The following AKAP17A variants were observed in gnomAD, a reference collection of about 807,000 sequenced individuals.
AKAP17A encodes A-kinase anchor protein 17A.
AKAP17A carries 15 observed loss-of-function variants against 52.2 expected under a neutral mutation model. The observed-to-expected ratio is 0.29, with a 90% CI of 0.19 to 0.44. The LOEUF (loss-of-function observed/expected upper bound fraction) is 0.44, where lower values mean the gene tolerates loss of function less well. Ranked by LOEUF, AKAP17A falls within the 20% of genes least tolerant of loss-of-function variation. The pLI is 1.00. For synonymous variants in AKAP17A, 514 were observed against 424.7 expected (o/e 1.21, Z -2.58); for missense variants, 1,060 against 1,007.0 (o/e 1.05, Z -0.71).
Position 1,594,127 on chromosome X carries a change from G to A in AKAP17A, c.665G>A (p.Arg222His), listed in dbSNP as rs780792297. ...HLNFEAYVQYREYMGFIQAMS... is the reference protein window; with the variant it reads ...HLNFEAYVQYHEYMGFIQAMS... Reference sequence around the variant, plus strand: ...AACTTCGAGGCCTATGTGCAGTACCGCGAGTACATGGGCTTCATCCAGGCC... The same window carrying A: ...AACTTCGAGGCCTATGTGCAGTACCACGAGTACATGGGCTTCATCCAGGCC... Residue 222 changes from arginine to histidine, a missense_variant, in exon 2 of 5, where the codon CGC (arginine) becomes CAC (histidine). Coordinates refer to ENST00000313871, the MANE Select transcript of AKAP17A (RefSeq NM_005088.3). 5.0e-6 allele frequency: 8 copies of A among 1,613,022 alleles called. No individual in the cohort carries two copies. The highest frequency in any genetic ancestry group is 1.1e-5 in the South Asian group (1 of 90,968).
At chrX:1,595,924 G>A (rs1480895004) in intron 3 of AKAP17A, among the ~76,000 whole-genome samples, 3 of 152,196 alleles carry the variant, frequency 2.0e-5, no homozygotes, top group Admixed American at 6.5e-5. Flanking sequence ...GTGTGTGCAC[G>A]TATGGGTGTG....
intron 3 of AKAP17A, among the ~76,000 whole-genome samples, chrX:1,597,260 T>G (rs755494929): frequency 6.6e-6 from 1 of 152,286 alleles, no homozygotes; most frequent in East Asian, 1.9e-4. Flanking sequence ...AGAGTCGGGT[T>G]GTCAGCCTCT....
At chrX:1,594,973 AG>A (rs1345192197) in intron 2 of AKAP17A, among the ~76,000 whole-genome samples, 1 of 152,014 alleles carries the variant, frequency 6.6e-6, no homozygotes, top group African/African-American at 2.4e-5. Flanking sequence ...AGCCTCCTGG[AG>A]GGGGTTTTGT....
Position 1,601,416 on chromosome X carries a change from G to A in AKAP17A, c.1910G>A (p.Arg637His), listed in dbSNP as rs373164063. Residue 637 changes from arginine (R) to histidine (H), a missense_variant, in exon 5 of 5, where the codon CGC (arginine) becomes CAC (histidine). Arg to His is a conservative substitution (Grantham distance 29, BLOSUM62 0). This residue lies in a region of AKAP17A where 793 missense variants were observed against 629.9 expected (regional missense o/e 1.26). Coordinates refer to ENST00000313871, the MANE Select transcript of AKAP17A (RefSeq NM_005088.3). ...HAYKDDSPRR[R>H]STSPDHTRSR... ...TACAAGGATGACAGCCCCCGCCGGC[G>A]CAGCACGAGCCCGGACCACACCCGG... The A allele has an allele frequency of 5.6e-5, 88 of 1,565,438 alleles. 1 individual carries two copies. The highest frequency in any genetic ancestry group is 2.9e-4 in the Admixed American group (16 of 54,830).
At chrX:1,600,548 T>C (rs1933303301) in intron 4 of AKAP17A, 111 bp from the exon 5 acceptor site, 1 of 1,132,264 alleles carries the variant, frequency 8.8e-7, no homozygotes, top group Non-Finnish European at 1.2e-6. Flanking sequence ...GCCAGGCCGC[T>C]GATCCTGCAT....
At position 1,593,461 on chromosome X, in the gene AKAP17A, C is replaced by G; in HGVS notation, c.-2C>G. The G allele has an allele frequency of 1.2e-6, 2 of 1,611,592 alleles. No individual in the cohort carries two copies. The highest frequency in any genetic ancestry group is 2.2e-5 in the South Asian group (2 of 91,004). On this transcript the variant is annotated 5_prime_UTR_variant, in exon 2 of 5. Coordinates refer to ENST00000313871, the MANE Select transcript of AKAP17A (RefSeq NM_005088.3). ...TGTTTCAGGCCCAAGGTCCCGGAGG[C>G]TATGGCAGCGGCTACCATCGTGCAC...
In AKAP17A at chrX:1,594,008, G is replaced by A. The variant is rs1233187582; in HGVS notation, c.546G>A (p.Gly182=). 3 of 1,605,294 alleles carry A rather than the reference G, an allele frequency of 1.9e-6. No homozygotes were observed. Among genetic ancestry groups the A allele is most frequent in the South Asian group, 2.2e-5 (2 of 90,004 alleles). ...DVLVKVFEKF[G]EIRNVDIPML... ...TGGTCAAGGTGTTTGAGAAGTTCGGGGAGATCCGGAATGTGGACATCCCCA... is the reference window on the plus strand; with the variant it reads ...TGGTCAAGGTGTTTGAGAAGTTCGGAGAGATCCGGAATGTGGACATCCCCA... Residue 182 remains glycine, a synonymous_variant, in exon 2 of 5, where the codon GGG becomes GGA. Coordinates refer to ENST00000313871, the MANE Select transcript of AKAP17A (RefSeq NM_005088.3).
At chrX:1,600,272 C>G (rs372140321) in intron 4 of AKAP17A, 10,996 of 1,093,112 alleles carry the variant, frequency 0.01, 79 homozygotes, top group Non-Finnish European at 0.012. Context: ...CGGTGGCATG[C>G]GTCTGCGGCG....
rs1409275727 is a variant in AKAP17A, at chrX:1,600,891, A to C, written c.1385A>C (p.Asp462Ala). 1.4e-5 allele frequency: 22 copies of C among 1,578,278 alleles called. No homozygotes were observed. The highest frequency in any genetic ancestry group is 1.8e-5 in the Non-Finnish European group (21 of 1,166,304). Residue 462 changes from aspartate (D) to alanine (A), a missense_variant, in exon 5 of 5, where the codon GAC becomes GCC. Physicochemically the swap from Asp to Ala is moderately radical, Grantham distance 126. This residue lies in a region of AKAP17A where 793 missense variants were observed against 629.9 expected (regional missense o/e 1.26). Transcript: ENST00000313871. ...GACGAGCTGGGCGTGGCACACGCCG[A>C]CCTGCTGCAGCCCGTCCTGGACATC... ...THDELGVAHADLLQPVLDILQ... is the reference protein window; with the variant it reads ...THDELGVAHAALLQPVLDILQ...
At position 1,593,434 on chromosome X, in the gene AKAP17A, T is replaced by C. The variant is rs1195525840; in HGVS notation, c.-19-10T>C. The C allele has an allele frequency of 1.3e-6, 2 of 1,597,170 alleles. No homozygotes were observed. The highest frequency in any genetic ancestry group is 1.1e-5 in the South Asian group (1 of 89,308). ...GTGCTGGTGCTGACTGTCTGCGTCTTATGTTTCAGGCCCAAGGTCCCGGAG... is the reference window on the plus strand; with the variant it reads ...GTGCTGGTGCTGACTGTCTGCGTCTCATGTTTCAGGCCCAAGGTCCCGGAG... On this transcript the variant is annotated splice_polypyrimidine_tract_variant and intron_variant, in intron 1 of 4. Coordinates refer to ENST00000313871, the MANE Select transcript of AKAP17A (RefSeq NM_005088.3).
At position 1,602,139 on chromosome X, in the gene AKAP17A, C is replaced by T. The variant is rs1273765822; in HGVS notation, c.*545C>T. 6.5e-6 allele frequency: 1 copy of T among 153,396 alleles called. No individual in the cohort carries two copies. The highest frequency in any genetic ancestry group is 1.4e-5 in the Non-Finnish European group (1 of 68,992). 9.5% of individuals were successfully genotyped at this position (153,396 alleles called of 1,614,324 possible). A position where few individuals can be genotyped will look rare whatever the true frequency, so the allele number is the denominator to read the frequency against. On this transcript the variant is annotated 3_prime_UTR_variant, in exon 5 of 5. Transcript: ENST00000313871. Reference sequence around the variant, plus strand: ...GTCACGGATGAGGAAGGTACAAGTCCTTTAAGATCAAAACTCAAACGGGCC... The same window carrying T: ...GTCACGGATGAGGAAGGTACAAGTCTTTTAAGATCAAAACTCAAACGGGCC...
chrX:1,594,529 A>G (rs1291776622), intron 2 of AKAP17A, among the ~76,000 whole-genome samples: 1 of 152,206 alleles, frequency 6.6e-6, no homozygotes, highest in East Asian at 1.9e-4. Flanking sequence ...GTCAGAACCA[A>G]GAGAACCCGG....
At position 1,593,395 on chromosome X, in the gene AKAP17A, G is replaced by A. The variant is rs187886750; in HGVS notation, c.-19-49G>A. The A allele has an allele frequency of 0.026, 40,300 of 1,546,738 alleles. 664 individuals carry two copies. The highest frequency in any genetic ancestry group is 0.043 in the Middle Eastern group (197 of 4,582). On this transcript the variant is annotated intron_variant, in intron 1 of 4. Transcript: ENST00000313871. Reference sequence around the variant, plus strand: ...GCTGGCTTGGCCCCTCCTCATTGGCGGGGGAGGTGGGGGGTGCTGGTGCTG... The same window carrying A: ...GCTGGCTTGGCCCCTCCTCATTGGCAGGGGAGGTGGGGGGTGCTGGTGCTG...
intron 4 of AKAP17A, 54 bp from the exon 5 acceptor site, chrX:1,600,605 G>C (rs770989632): frequency 1.4e-6 from 2 of 1,456,222 alleles, no homozygotes; most frequent in African/African-American, 2.8e-5. Flanking sequence ...CCTGTCCCAC[G>C]TGTCCGGCCA....
chrX:1,600,864 A>G lies in AKAP17A; in HGVS notation c.1358A>G (p.His453Arg). The G allele has an allele frequency of 1.9e-6, 3 of 1,589,646 alleles. No homozygotes were observed. The highest frequency in any genetic ancestry group is 2.6e-6 in the Non-Finnish European group (3 of 1,172,260). Reference sequence around the variant, plus strand: ...AAGAAGCCGGACGACAGCCACACACACGACGAGCTGGGCGTGGCACACGCC... The same window carrying G: ...AAGAAGCCGGACGACAGCCACACACGCGACGAGCTGGGCGTGGCACACGCC... Reference protein sequence around the residue: ...LSKKPDDSHTHDELGVAHADL... With the variant: ...LSKKPDDSHTRDELGVAHADL... The change falls in exon 5 of 5, where the codon CAC (histidine) becomes CGC (arginine). Residue 453 changes from histidine (H) to arginine (R), a missense_variant. This residue lies in a region of AKAP17A where 793 missense variants were observed against 629.9 expected (regional missense o/e 1.26). Transcript: ENST00000313871.
At chrX:1,594,614 T>G (rs1385113758) in intron 2 of AKAP17A, among the ~76,000 whole-genome samples, 2 of 152,052 alleles carry the variant, frequency 1.3e-5, no homozygotes, top group East Asian at 3.8e-4. Flanking sequence ...TTTTTTTATT[T>G]TTTTTATTTT....
Position 1,596,851 on chromosome X carries a change from C to T in AKAP17A, c.911+1319C>T, listed in dbSNP as rs1217638629. Among the ~76,000 whole-genome samples the T allele has an allele frequency of 3.6e-4, 21 of 57,802 alleles. 1 individual carries two copies. Among genetic ancestry groups the T allele is most frequent in the African/African-American group, 1.5e-3 (13 of 8,690 alleles). The allele number at this position is 57,802 out of a possible 152,430, so 37.9% of individuals were successfully genotyped here. A position where few individuals can be genotyped will look rare whatever the true frequency, so the allele number is the denominator to read the frequency against. On this transcript the variant is annotated intron_variant, in intron 3 of 4. Coordinates refer to ENST00000313871, the MANE Select transcript of AKAP17A (RefSeq NM_005088.3). ...CCTCTTCCTCCTCCATCCCTCCTGC[C>T]GTGTCCTCCTAGTGAGGTGGATTCC... is the stretch of plus-strand genomic sequence containing the variant.
chrX:1,599,362 G>C lies in AKAP17A; in HGVS notation c.1082G>C (p.Arg361Pro), dbSNP rs370432646. The C allele has an allele frequency of 6.3e-7, 1 of 1,588,280 alleles. No homozygotes were observed. ...QLQEKIKLEERKLLLAQRNLQ... is the reference protein window; with the variant it reads ...QLQEKIKLEEPKLLLAQRNLQ... ...CAGGAGAAGATCAAGCTGGAGGAGCGCAAGCTGCTGCTGGCCCAGAGGAAC... is the reference window on the plus strand; with the variant it reads ...CAGGAGAAGATCAAGCTGGAGGAGCCCAAGCTGCTGCTGGCCCAGAGGAAC... Residue 361 changes from arginine (R) to proline (P), a missense_variant, in exon 4 of 5, where the codon CGC becomes CCC. Arg to Pro is a moderately radical substitution (Grantham distance 103). Transcript: ENST00000313871.
At position 1,601,134 on chromosome X, in the gene AKAP17A, C is replaced by T. The variant is rs58450457; in HGVS notation, c.1628C>T (p.Pro543Leu). Residue 543 changes from proline (P) to leucine (L), a missense_variant, in exon 5 of 5, where the codon CCG becomes CTG. Pro to Leu is a moderately conservative substitution (Grantham distance 98). Transcript: ENST00000313871. The part of the protein sequence containing the change: ...PEDGSPEKRC[P>L]GGVLSCIPDN... ...GATGGCTCTCCAGAGAAGAGGTGCC[C>T]GGGCGGCGTCCTCTCCTGCATTCCT... The T allele has an allele frequency of 5.7e-3, 9,203 of 1,613,852 alleles. 286 individuals carry two copies. The South Asian group carries it at 0.062, about 11-fold the overall frequency.
Sources: gnomAD v4.1 joint callset for allele counts (sites outside exome capture counted in the v4.1 genomes callset) on GRCh38, gnomAD v4.1.1 for gene constraint, gnomAD v4.1.1 regional missense constraint, MANE v1.5 for transcripts, NCBI Gene and HGNC (gene_info 2026-07-23, HGNC 2026-07-21) for gene names.